Variants in SOX5 observed in about 807,000 individuals in gnomAD.
The protein encoded by SOX5 is transcription factor SOX-5.
A neutral mutation model predicts 92.0 loss-of-function variants in SOX5; 9 were observed. The ratio of observed to expected loss-of-function variants is 0.10; its 90% CI spans 0.06 to 0.17. The LOEUF (loss-of-function observed/expected upper bound fraction) is 0.17, where lower values mean the gene tolerates loss of function less well. Ranked by LOEUF, SOX5 falls within the 10% of genes least tolerant of loss-of-function variation. The pLI, the probability that SOX5 is intolerant of heterozygous loss-of-function variation, is 1.00. For missense variants in SOX5, 642 were observed against 944.5 expected, an observed-to-expected ratio of 0.68 and a Z score of 4.20; for synonymous variants, 344 against 336.3, an observed-to-expected ratio of 1.02 and a Z score of -0.25.
intron 2 of SOX5, among the ~76,000 whole-genome samples, chr12:23,863,450 A>C (rs917167255): frequency 4.6e-5 from 7 of 152,302 alleles, no homozygotes; most frequent in Non-Finnish European, 1.0e-4. Context: ...CCATGGCTTC[A>C]AGTTAAATAA....
intron 1 of SOX5, among the ~76,000 whole-genome samples, chr12:24,406,124 T>C (rs932624575): frequency 6.6e-6 from 1 of 152,062 alleles, no homozygotes. Context: ...CTCCCGCCCA[T>C]GAAGGTTCAT....
At chr12:23,696,591 T>C (rs1305951300) in intron 6 of SOX5, among the ~76,000 whole-genome samples, 1 of 152,158 alleles carries the variant, frequency 6.6e-6, no homozygotes, top group Non-Finnish European at 1.5e-5. Flanking sequence ...TCTCTTATTT[T>C]ACATTTCTAT....
At chr12:24,036,543 A>C (rs1002692695) in intron 4 of SOX5, among the ~76,000 whole-genome samples, 2 of 152,104 alleles carry the variant, frequency 1.3e-5, no homozygotes, top group African/African-American at 4.8e-5. Context: ...ATTTTTATGG[A>C]ACTAAGTAAT....
At chr12:23,863,793 T>TACACACACACAC (rs71059936) in intron 2 of SOX5, among the ~76,000 whole-genome samples, 30 of 145,800 alleles carry the variant, frequency 2.1e-4, no homozygotes, top group African/African-American at 6.1e-4. Context: ...TTAAACACAC[T>TACACACACACAC]ACACACACAC....
At chr12:23,872,233 C>T (rs1247820020) in intron 2 of SOX5, among the ~76,000 whole-genome samples, 3 of 137,080 alleles carry the variant, frequency 2.2e-5, no homozygotes, top group Non-Finnish European at 4.6e-5. Context: ...AGGATGGTCT[C>T]GATCTCCTGA....
At chr12:24,124,206 C>A (rs557347759) in intron 4 of SOX5, among the ~76,000 whole-genome samples, 29 of 152,310 alleles carry the variant, frequency 1.9e-4, no homozygotes, top group African/African-American at 7.0e-4. Context: ...AATAATCCTT[C>A]ATTTGTGTCT....
intron 4 of SOX5, among the ~76,000 whole-genome samples, chr12:24,020,980 CTG>C (rs1388270533): frequency 5.9e-5 from 9 of 152,188 alleles, no homozygotes; most frequent in South Asian, 2.1e-4. Flanking sequence ...AAGTTGGACA[CTG>C]TTGGCAAAAA....
chr12:24,498,855 C>T (rs1947905910), intron 1 of SOX5, among the ~76,000 whole-genome samples: 1 of 152,184 alleles, frequency 6.6e-6, no homozygotes, highest in African/African-American at 2.4e-5. Context: ...TCCCCTGGCT[C>T]ACTGTGCTGC....
At chr12:23,641,031 C>G (rs2079984998) in intron 7 of SOX5, 134 bp from the exon 8 acceptor site, 1 of 570,520 alleles carries the variant, frequency 1.8e-6, no homozygotes, top group East Asian at 3.0e-5. Flanking sequence ...CTCTATTGTG[C>G]AGCCTTTTAC....
chr12:23,593,364 G>C (rs560387096), intron 9 of SOX5, among the ~76,000 whole-genome samples: 1 of 152,150 alleles, frequency 6.6e-6, no homozygotes, highest in East Asian at 1.9e-4. Flanking sequence ...AGAATGACTG[G>C]GTTCTTCAGC....
intron 3 of SOX5, among the ~76,000 whole-genome samples, chr12:24,215,714 C>T (rs1959114904): frequency 6.6e-6 from 1 of 151,474 alleles, no homozygotes; most frequent in African/African-American, 2.4e-5. Flanking sequence ...TATCAAAATC[C>T]CAGTTGGCTT....
chr12:23,867,962 G>A (rs565339369), intron 2 of SOX5, among the ~76,000 whole-genome samples: 1 of 151,626 alleles, frequency 6.6e-6, no homozygotes, highest in South Asian at 2.1e-4. Context: ...AAAAATTTAA[G>A]GATGTGAAGA....
chr12:24,403,463 A>G (rs924358703), intron 1 of SOX5, among the ~76,000 whole-genome samples: 26 of 152,360 alleles, frequency 1.7e-4, no homozygotes, highest in African/African-American at 6.3e-4. Flanking sequence ...AGAAGCAAAT[A>G]TACCAAAAAG....
At chr12:24,198,987 GAA>G (rs35506745) in intron 4 of SOX5, among the ~76,000 whole-genome samples, 4,887 of 152,304 alleles carry the variant, frequency 0.032, 94 homozygotes, top group Middle Eastern at 0.058. Context: ...AAGGCAGGGA[GAA>G]AAGAGTACAG....
chr12:24,129,868 G>T (rs1461716351), intron 4 of SOX5, among the ~76,000 whole-genome samples: 1 of 152,144 alleles, frequency 6.6e-6, no homozygotes, highest in African/African-American at 2.4e-5. Context: ...AGAGTTTTAG[G>T]TTTTTGTCCA....
intron 1 of SOX5, among the ~76,000 whole-genome samples, chr12:24,517,398 C>T (rs1307526826): frequency 3.3e-5 from 5 of 152,064 alleles, no homozygotes; most frequent in Non-Finnish European, 5.9e-5. Flanking sequence ...TCAAAAAGCA[C>T]GGGAAACACA....
intron 3 of SOX5, chr12:24,223,307 G>A (rs1565690369): frequency 6.6e-6 from 1 of 152,170 alleles, no homozygotes; most frequent in East Asian, 1.9e-4. Flanking sequence ...ACATAAACAT[G>A]AAGTTTCCTC....
chr12:24,361,159 T>C (rs2136175803), intron 2 of SOX5, among the ~76,000 whole-genome samples: 1 of 152,242 alleles, frequency 6.6e-6, no homozygotes, highest in Non-Finnish European at 1.5e-5. Flanking sequence ...CAAAAAAAAG[T>C]TTGCCATTGG....
At chr12:23,769,603 T>C (rs2094854966) in intron 3 of SOX5, among the ~76,000 whole-genome samples, 3 of 152,144 alleles carry the variant, frequency 2.0e-5, no homozygotes, top group Admixed American at 1.3e-4. Context: ...ATATACAACA[T>C]TGTAATATAA....
Sources: allele counts gnomAD v4.1 joint callset (sites outside exome capture counted in the v4.1 genomes callset), GRCh38; gene constraint gnomAD v4.1.1; transcripts MANE v1.5; gene names NCBI Gene and HGNC (gene_info 2026-07-23, HGNC 2026-07-21).